Variants in CCDC110 observed in about 807,000 individuals in gnomAD.
The protein encoded by CCDC110 is coiled-coil domain containing 110.
In CCDC110, 70 loss-of-function variants were observed where a neutral mutation model predicts 77.1. The observed-to-expected ratio is 0.91, with a 90% CI of 0.75 to 1.11. The LOEUF (loss-of-function observed/expected upper bound fraction) is 1.11, where lower values mean the gene tolerates loss of function less well. CCDC110 is among the 50% of genes least tolerant of loss of function. CCDC110 has a pLI of 0.00. For missense variants in CCDC110, 868 were observed against 942.9 expected (o/e 0.92, Z 1.04); for synonymous variants, 295 against 312.5 (o/e 0.94, Z 0.59).
At chr4:185,466,880 C>G (rs1306373824) in intron 2 of CCDC110, among the ~76,000 whole-genome samples, 1 of 152,106 alleles carries the variant, frequency 6.6e-6, no homozygotes, top group Non-Finnish European at 1.5e-5. Flanking sequence ...GAGAATTCCA[C>G]AAGAGATGAG....
intron 6 of CCDC110, chr4:185,449,540 T>C: frequency 1.8e-6 from 2 of 1,114,242 alleles, no homozygotes; most frequent in Non-Finnish European, 2.6e-6. Context: ...AAAAAGAATG[T>C]ACAGGTATTT....
At position 185,459,451 on chromosome 4, in the gene CCDC110, C is replaced by G. The variant is rs1218441682; in HGVS notation, c.1136G>C (p.Arg379Thr). The change falls in exon 6 of 7, where the codon AGA becomes ACA. Residue 379 changes from arginine (R) to threonine (T), a missense_variant. Physicochemically the swap from Arg to Thr is moderately conservative, Grantham distance 71. Coordinates refer to ENST00000307588, the MANE Select transcript of CCDC110 (RefSeq NM_152775.4). ...TDLKFHSRVPRYTLSFLDQTK... is the reference protein window; with the variant it reads ...TDLKFHSRVPTYTLSFLDQTK... The stretch of plus-strand genomic sequence containing the variant: ...TTGGTCGAGGAAGGACAGTGTGTAT[C>G]TTGGAACTCTGGAATGGAATTTTAA... 6.2e-7 allele frequency: 1 copy of G among 1,613,394 alleles called. No individual in the cohort carries two copies. Among genetic ancestry groups the G allele is most frequent in the Non-Finnish European group, 8.5e-7 (1 of 1,179,636 alleles).
chr4:185,457,199 A>G (rs771192644), intron 6 of CCDC110: 1 of 454,704 alleles, frequency 2.2e-6, no homozygotes, highest in South Asian at 1.6e-5. Flanking sequence ...ACAGAATTCA[A>G]CAAGGAATAT....
chr4:185,462,485 G>A (rs1050698726), intron 4 of CCDC110, among the ~76,000 whole-genome samples, 158 bp downstream of exon 4: 14 of 152,178 alleles, frequency 9.2e-5, no homozygotes, highest in African/African-American at 2.4e-4. Context: ...AGAGAAGAAT[G>A]TAGTTTCTTT....
intron 1 of CCDC110, chr4:185,471,430 C>T: frequency 2.5e-6 from 1 of 393,058 alleles, no homozygotes; most frequent in African/African-American, 2.2e-5. Flanking sequence ...CCGCAAGCGG[C>T]CACCCGAGGG....
intron 2 of CCDC110, among the ~76,000 whole-genome samples, chr4:185,466,365 A>G (rs574176337): frequency 2.5e-4 from 38 of 152,148 alleles, no homozygotes; most frequent in African/African-American, 8.2e-4. Flanking sequence ...ACAAGAGCGA[A>G]ACTCCATCTA....
chr4:185,467,116 G>T (rs1440730175), intron 2 of CCDC110, among the ~76,000 whole-genome samples: 5 of 152,080 alleles, frequency 3.3e-5, no homozygotes, highest in Admixed American at 3.3e-4. Context: ...TTTTTGCAGA[G>T]GATTTGAAGA....
Position 185,459,440 on chromosome 4 carries a change from A to G in CCDC110, c.1147T>C (p.Ser383Pro), listed in dbSNP as rs775462346. 1.9e-6 allele frequency: 3 copies of G among 1,613,350 alleles called. No homozygotes were observed. In the South Asian group the frequency reaches 3.3e-5, roughly 18 times the overall value. ...FHSRVPRYTL[S>P]FLDQTKHEMK... ...TCATGTTTTGTTTGGTCGAGGAAGGACAGTGTGTATCTTGGAACTCTGGAA... is the reference window on the plus strand; with the variant it reads ...TCATGTTTTGTTTGGTCGAGGAAGGGCAGTGTGTATCTTGGAACTCTGGAA... Residue 383 changes from serine (S) to proline (P), a missense_variant, in exon 6 of 7, where the codon TCC (serine) becomes CCC (proline). Ser to Pro is a moderately conservative substitution (Grantham distance 74, BLOSUM62 -1). Transcript: ENST00000307588.
chr4:185,463,179 A>T, intron 2 of CCDC110, 130 bp from the exon 3 acceptor site: 1 of 662,060 alleles, frequency 1.5e-6, no homozygotes, highest in Non-Finnish European at 2.7e-6. Context: ...TGATATTCAC[A>T]CTATGCTAGT....
chr4:185,463,881 T>C (rs1331906819), intron 2 of CCDC110, among the ~76,000 whole-genome samples: 1 of 152,190 alleles, frequency 6.6e-6, no homozygotes, highest in Non-Finnish European at 1.5e-5. Flanking sequence ...TTGCATCCGG[T>C]GCTTGACTGT....
intron 6 of CCDC110, among the ~76,000 whole-genome samples, chr4:185,448,941 A>G (rs1322273414): frequency 4.0e-5 from 6 of 151,098 alleles, no homozygotes; most frequent in Admixed American, 1.3e-4. Flanking sequence ...CCGTTTAGTA[A>G]TTTTGAATTT....
At chr4:185,454,108 A>G (rs939715823) in intron 6 of CCDC110, among the ~76,000 whole-genome samples, 1 of 151,974 alleles carries the variant, frequency 6.6e-6, no homozygotes, top group Non-Finnish European at 1.5e-5. Flanking sequence ...ATGAGCCACC[A>G]CGGCCAGCCT....
intron 2 of CCDC110, among the ~76,000 whole-genome samples, chr4:185,465,722 C>T (rs2095654387): frequency 6.6e-6 from 1 of 152,144 alleles, no homozygotes; most frequent in Non-Finnish European, 1.5e-5. Context: ...AATTGCAGGG[C>T]TACCGCAATA....
At chr4:185,445,981 A>T (rs540483506) in intron 6 of CCDC110, among the ~76,000 whole-genome samples, 42 of 152,216 alleles carry the variant, frequency 2.8e-4, no homozygotes, top group African/African-American at 9.9e-4. Flanking sequence ...AGCTGGGATT[A>T]CAGGCATGCA....
At position 185,458,608 on chromosome 4, in the gene CCDC110, C is replaced by T. The variant is rs781261301; in HGVS notation, c.1979G>A (p.Arg660Lys). Residue 660 changes from arginine (R) to lysine (K), a missense_variant, in exon 6 of 7, where the codon AGA (arginine) becomes AAA (lysine). Coordinates refer to ENST00000307588, the MANE Select transcript of CCDC110 (RefSeq NM_152775.4). ...ESTAARQIME[R>K]EIENIQTYQS... Reference sequence around the variant, plus strand: ...GTAGGTTTGAATATTCTCAATTTCTCTTTCCATAATTTGTCTGGCAGCAGT... The same window carrying T: ...GTAGGTTTGAATATTCTCAATTTCTTTTTCCATAATTTGTCTGGCAGCAGT... 1.4e-5 allele frequency: 22 copies of T among 1,608,088 alleles called. No homozygotes were observed. The highest frequency in any genetic ancestry group is 1.8e-5 in the Non-Finnish European group (21 of 1,179,670).
intron 6 of CCDC110, among the ~76,000 whole-genome samples, chr4:185,453,390 G>A (rs556960383): frequency 3.3e-5 from 5 of 152,242 alleles, no homozygotes; most frequent in Admixed American, 2.0e-4. Flanking sequence ...TATATAATGC[G>A]ATGTGCCAGA....
chr4:185,457,588 G>C (rs1271558995), intron 6 of CCDC110, among the ~76,000 whole-genome samples: 1 of 151,852 alleles, frequency 6.6e-6, no homozygotes, highest in Non-Finnish European at 1.5e-5. Flanking sequence ...TTACTAGTTG[G>C]GTAAAATCTC....
rs572714708 is a variant in CCDC110 at position 185,452,073 on chromosome 4, A to C, written c.2461+6053T>G. The C allele has an allele frequency of 2.6e-5, 9 of 349,350 alleles. No homozygotes were observed. In the East Asian group the frequency reaches 1.5e-3, roughly 58 times the overall value. The allele number at this position is 349,350 out of a possible 1,614,324, so 21.6% of individuals were successfully genotyped here. The stretch of plus-strand genomic sequence containing the variant: ...AGAGGAAATCATACACACACATTCG[A>C]TCTGACAGGTGCAAACTAGTTATGA... On this transcript the variant is annotated intron_variant, in intron 6 of 6. Transcript: ENST00000307588.
chr4:185,460,491 AT>A (rs1044946160), intron 5 of CCDC110, among the ~76,000 whole-genome samples: 2 of 152,212 alleles, frequency 1.3e-5, no homozygotes, highest in Non-Finnish European at 2.9e-5. Flanking sequence ...CAACCCCTCA[AT>A]TTCAGAAATA....
Sources: allele counts gnomAD v4.1 joint callset (sites outside exome capture counted in the v4.1 genomes callset), GRCh38; gene constraint gnomAD v4.1.1; transcripts MANE v1.5; gene names NCBI Gene and HGNC (gene_info 2026-07-23, HGNC 2026-07-21).